The following CCDC171 variants were observed in gnomAD, a reference collection of about 807,000 sequenced individuals.
CCDC171 encodes coiled-coil domain containing 171, also known as coiled-coil domain-containing protein 171.
CCDC171 carries 177 observed loss-of-function variants against 168.2 expected under a neutral mutation model. That is an observed-to-expected ratio of 1.05 (90% confidence interval 0.93 to 1.19). CCDC171 has a LOEUF of 1.19. Ranked by LOEUF, CCDC171 falls within the 50% of genes most tolerant of loss-of-function variation. The pLI, the probability that CCDC171 is intolerant of heterozygous loss-of-function variation, is 0.00. For missense variants in CCDC171, 1,991 were observed against 1,539.0 expected (o/e 1.29, Z -4.91); for synonymous variants, 687 against 540.8 (o/e 1.27, Z -3.75).
At chr9:15,592,692 C>T (rs2042083503) in intron 5 of CCDC171, among the ~76,000 whole-genome samples, 2 of 151,892 alleles carry the variant, frequency 1.3e-5, no homozygotes, top group Non-Finnish European at 2.9e-5. Context: ...TTGGATGGGC[C>T]TGTATAACCT....
At chr9:15,892,320 A>G (rs1360112336) in intron 24 of CCDC171, among the ~76,000 whole-genome samples, 1 of 152,122 alleles carries the variant, frequency 6.6e-6, no homozygotes, top group East Asian at 1.9e-4. Flanking sequence ...CCAATTCGGT[A>G]TGATATTGGC....
At chr9:15,790,814 T>C (rs1197187858) in intron 21 of CCDC171, among the ~76,000 whole-genome samples, 11 of 152,218 alleles carry the variant, frequency 7.2e-5, no homozygotes, top group African/African-American at 2.7e-4. Context: ...TTTCTACGTA[T>C]GGCTAGCCAG....
chr9:15,630,581 A>T, intron 7 of CCDC171, among the ~76,000 whole-genome samples: 1 of 152,210 alleles, frequency 6.6e-6, no homozygotes, highest in Admixed American at 6.5e-5. Context: ...ATAATGGGAG[A>T]CTTTAACACC....
At chr9:15,749,378 C>T (rs1159047187) in intron 18 of CCDC171, among the ~76,000 whole-genome samples, 3 of 152,056 alleles carry the variant, frequency 2.0e-5, no homozygotes, top group African/African-American at 7.3e-5. Flanking sequence ...TAATGGGAGA[C>T]TTTAACACTC....
At chr9:15,569,832 A>G (rs2040062665) in intron 2 of CCDC171, among the ~76,000 whole-genome samples, 1 of 112,382 alleles carries the variant, frequency 8.9e-6, no homozygotes, top group Admixed American at 8.9e-5. Context: ...AACAAAAAAC[A>G]AAAAACAAAC....
intron 1 of CCDC171, among the ~76,000 whole-genome samples, chr9:16,046,504 A>T (rs1833662474): frequency 6.6e-6 from 1 of 152,108 alleles, no homozygotes; most frequent in Non-Finnish European, 1.5e-5. Flanking sequence ...CCTCAACTAG[A>T]CCTTGACATT....
intron 21 of CCDC171, among the ~76,000 whole-genome samples, chr9:15,813,614 G>C (rs931737152): frequency 6.6e-6 from 1 of 151,752 alleles, no homozygotes. Flanking sequence ...ATTTGTGTGT[G>C]TGTGTGTGTA....
chr9:15,724,889 G>T lies in CCDC171; in HGVS notation c.1605G>T (p.Leu535=). The T allele has an allele frequency of 6.2e-7, 1 of 1,613,850 alleles. No homozygotes were observed. ...STLKVELQNV[L]HCWEKEKAQA... ...TAAAAGTGGAACTACAAAATGTGCT[G>T]CACTGTTGGGAGAAAGAAAAGGCTC... The change falls in exon 14 of 26, where the codon CTG becomes CTT. Residue 535 remains leucine (L), a synonymous_variant. Transcript: ENST00000380701.
chr9:16,008,279 C>A (rs1379385747), intron 3 of CCDC171, among the ~76,000 whole-genome samples: 3 of 151,994 alleles, frequency 2.0e-5, no homozygotes, highest in Non-Finnish European at 4.4e-5. Flanking sequence ...AGTTCAATTT[C>A]AATCTTTTGC....
intron 2 of CCDC171, among the ~76,000 whole-genome samples, chr9:15,566,242 G>C (rs1216483233): frequency 6.6e-6 from 1 of 151,564 alleles, no homozygotes; most frequent in East Asian, 1.9e-4. Context: ...TGTATATTTG[G>C]AATGCAAGTC....
At chr9:15,943,231 A>T (rs1365056183) in intron 25 of CCDC171, among the ~76,000 whole-genome samples, 1 of 151,988 alleles carries the variant, frequency 6.6e-6, no homozygotes, top group African/African-American at 2.4e-5. Context: ...TGGTATTTTC[A>T]TCAGTTTAAG....
At chr9:15,567,903 C>T (rs2039880988) in intron 2 of CCDC171, among the ~76,000 whole-genome samples, 1 of 152,082 alleles carries the variant, frequency 6.6e-6, no homozygotes, top group Non-Finnish European at 1.5e-5. Context: ...ATCCTCCTGC[C>T]TTGGCTTCCC....
At chr9:15,585,854 T>C (rs2041516262) in intron 4 of CCDC171, among the ~76,000 whole-genome samples, 1 of 152,038 alleles carries the variant, frequency 6.6e-6, no homozygotes, top group Non-Finnish European at 1.5e-5. Context: ...TGCACGCCTG[T>C]AATTTCAACT....
chr9:15,747,622 G>A (rs1350308753), intron 18 of CCDC171, among the ~76,000 whole-genome samples: 1 of 152,188 alleles, frequency 6.6e-6, no homozygotes, highest in Non-Finnish European at 1.5e-5. Flanking sequence ...GTCTGGACTG[G>A]ACGTCCAGCA....
chr9:16,096,392 G>C, the CCDC171 span, among the ~76,000 whole-genome samples: 1 of 152,198 alleles, frequency 6.6e-6, no homozygotes, highest in African/African-American at 2.4e-5. Flanking sequence ...TGTTTAGATG[G>C]GTGGTGAGTC....
At chr9:16,078,343 G>A in the CCDC171 span, among the ~76,000 whole-genome samples, 1 of 152,142 alleles carries the variant, frequency 6.6e-6, no homozygotes, top group Non-Finnish European at 1.5e-5. Flanking sequence ...TTGAGGTATG[G>A]GGTCTAGTGA....
intron 3 of CCDC171, among the ~76,000 whole-genome samples, chr9:15,982,880 A>G (rs747379744): frequency 2.1e-4 from 32 of 152,178 alleles, no homozygotes; most frequent in Admixed American, 2.0e-3. Context: ...TGGGAGACCA[A>G]GGGGGACATG....
At chr9:15,813,933 G>A (rs904923740) in intron 21 of CCDC171, among the ~76,000 whole-genome samples, 1 of 152,114 alleles carries the variant, frequency 6.6e-6, no homozygotes, top group African/African-American at 2.4e-5. Flanking sequence ...TGCATATAAG[G>A]TGAAATAAGA....
Position 15,644,406 on chromosome 9 carries a change from G to A in CCDC171, c.823-12721G>A, listed in dbSNP as rs529434654. Among the ~76,000 whole-genome samples, 735 of 152,232 alleles carry A rather than the reference G, an allele frequency of 4.8e-3. 1 individual carries two copies. Among genetic ancestry groups the A allele is most frequent in the Non-Finnish European group, 6.7e-3 (457 of 68,014 alleles). On this transcript the variant is annotated intron_variant, in intron 7 of 25. Transcript: ENST00000380701. ...GTCAGATGGTGGGTGCAGGACAGTG[G>A]GTGCAGCCCAGTGAGCGTGAGCCTA...
Sources: allele counts gnomAD v4.1 joint callset (sites outside exome capture counted in the v4.1 genomes callset), GRCh38; gene constraint gnomAD v4.1.1; transcripts MANE v1.5; gene names NCBI Gene and HGNC (gene_info 2026-07-23, HGNC 2026-07-21).